DNER: variants seen among roughly 807,000 people sequenced by gnomAD.
The protein encoded by DNER is delta and Notch-like epidermal growth factor-related receptor.
DNER carries 33 observed loss-of-function variants against 78.2 expected under a neutral mutation model. That is an observed-to-expected ratio of 0.42 (90% confidence interval 0.32 to 0.56). The LOEUF is 0.56. Ranked by LOEUF, DNER falls within the 20% of genes least tolerant of loss-of-function variation. DNER has a pLI of 0.11. For synonymous variants in DNER, 417 were observed against 384.8 expected (o/e 1.08, Z -0.98); for missense variants, 918 against 975.3 (o/e 0.94, Z 0.78).
At chr2:229,419,990 C>T (rs1693731319) in intron 8 of DNER, among the ~76,000 whole-genome samples, 1 of 149,566 alleles carries the variant, frequency 6.7e-6, no homozygotes, top group Non-Finnish European at 1.5e-5. Context: ...AGGACAGCCT[C>T]TCACAACAAG....
chr2:229,669,620 G>A (rs944328575), intron 1 of DNER, among the ~76,000 whole-genome samples: 1 of 151,918 alleles, frequency 6.6e-6, no homozygotes, highest in Non-Finnish European at 1.5e-5. Context: ...CCTTGAAGGG[G>A]TCCTTCACAT....
intron 1 of DNER, among the ~76,000 whole-genome samples, chr2:229,679,362 T>C (rs1448237446): frequency 6.6e-6 from 1 of 152,220 alleles, no homozygotes; most frequent in Non-Finnish European, 1.5e-5. Flanking sequence ...ATAATATTAC[T>C]CTTAACATTT....
intron 8 of DNER, among the ~76,000 whole-genome samples, chr2:229,436,245 G>A (rs1694117714): frequency 6.6e-6 from 1 of 152,140 alleles, no homozygotes; most frequent in Admixed American, 6.6e-5. Context: ...ATAATAGCCT[G>A]TGGATCCATA....
chr2:229,511,656 G>A (rs1468162310), intron 6 of DNER, among the ~76,000 whole-genome samples: 3 of 152,106 alleles, frequency 2.0e-5, no homozygotes, highest in Non-Finnish European at 4.4e-5. Flanking sequence ...TGGCTTTTGT[G>A]GTTTATCCTG....
chr2:229,561,575 C>G (rs926848288), intron 4 of DNER, among the ~76,000 whole-genome samples: 2 of 152,104 alleles, frequency 1.3e-5, no homozygotes, highest in Admixed American at 1.3e-4. Context: ...TATTGAGAGT[C>G]CTTCCTAGAC....
At chr2:229,670,505 C>T (rs1467778310) in intron 1 of DNER, among the ~76,000 whole-genome samples, 1 of 152,196 alleles carries the variant, frequency 6.6e-6, no homozygotes, top group Non-Finnish European at 1.5e-5. Context: ...AGGAATGATA[C>T]AGATTTTCCT....
chr2:229,410,966 G>A (rs1693504637), intron 9 of DNER, among the ~76,000 whole-genome samples: 1 of 152,066 alleles, frequency 6.6e-6, no homozygotes, highest in African/African-American at 2.4e-5. Context: ...AATCTTTATA[G>A]ATCTCAACAT....
At chr2:229,674,126 G>C (rs1271088836) in intron 1 of DNER, among the ~76,000 whole-genome samples, 1 of 152,348 alleles carries the variant, frequency 6.6e-6, no homozygotes, top group East Asian at 1.9e-4. Context: ...TAAAGGAGCT[G>C]TTGGTAGCCC....
intron 12 of DNER, 59 bp downstream of exon 12, chr2:229,366,814 C>A: frequency 6.2e-7 from 1 of 1,604,456 alleles, no homozygotes; most frequent in Non-Finnish European, 8.5e-7. Flanking sequence ...ATAATATGAC[C>A]CTGTTCCCAA....
At chr2:229,425,125 G>T (rs1693844830) in intron 8 of DNER, among the ~76,000 whole-genome samples, 1 of 152,114 alleles carries the variant, frequency 6.6e-6, no homozygotes, top group African/African-American at 2.4e-5. Context: ...GCCCTTGTGG[G>T]TTTGACATAA....
rs190734579 is a variant in DNER at position 229,667,679 on chromosome 2, A to G, written c.276+46469T>C. ...TCCCCTATGTTTGTCACTACCCCCA[A>G]TGCATTTTCTGACAAGGGTAGTGTC... On this transcript the variant is annotated intron_variant, in intron 1 of 12. Coordinates refer to ENST00000341772, the MANE Select transcript of DNER (RefSeq NM_139072.4). 4.6e-5 allele frequency among the ~76,000 whole-genome samples: 7 copies of G among 152,262 alleles called. No individual in the cohort carries two copies. The East Asian group carries it at 9.7e-4, about 21-fold the overall frequency.
At chr2:229,445,429 T>C (rs1353134899) in intron 8 of DNER, among the ~76,000 whole-genome samples, 1 of 152,358 alleles carries the variant, frequency 6.6e-6, no homozygotes, top group East Asian at 1.9e-4. Context: ...AAAATGTTAC[T>C]GCGATAGTTC....
chr2:229,465,565 A>G (rs974003386), intron 7 of DNER, among the ~76,000 whole-genome samples: 1 of 152,180 alleles, frequency 6.6e-6, no homozygotes, highest in Non-Finnish European at 1.5e-5. Context: ...CTACACATGT[A>G]TCCTGGAACT....
chr2:229,505,177 AGTGTGTGTGTGTGTGT>A (rs144321798), intron 6 of DNER, among the ~76,000 whole-genome samples: 4 of 126,448 alleles, frequency 3.2e-5, no homozygotes, highest in East Asian at 2.4e-4. Flanking sequence ...GTGTTGCTGC[AGTGTGTGTGTGTGTGT>A]GTGTGTGTGT....
At chr2:229,577,551 C>T (rs1003753369) in intron 4 of DNER, among the ~76,000 whole-genome samples, 9 of 152,136 alleles carry the variant, frequency 5.9e-5, no homozygotes, top group African/African-American at 1.9e-4. Context: ...AGGAGAATCA[C>T]TTGAGCCCGG....
intron 4 of DNER, among the ~76,000 whole-genome samples, chr2:229,547,321 C>T (rs1165657745): frequency 6.6e-6 from 1 of 152,196 alleles, no homozygotes; most frequent in Admixed American, 6.5e-5. Context: ...ATAAGAAACA[C>T]CTAAGGCCAA....
At chr2:229,694,404 G>T (rs1699630896) in intron 1 of DNER, among the ~76,000 whole-genome samples, 1 of 152,178 alleles carries the variant, frequency 6.6e-6, no homozygotes, top group Non-Finnish European at 1.5e-5. Context: ...ACCCCAGAAT[G>T]GTAGACCCAC....
intron 6 of DNER, among the ~76,000 whole-genome samples, chr2:229,477,896 T>G (rs1045345137): frequency 6.6e-6 from 1 of 152,210 alleles, no homozygotes; most frequent in Non-Finnish European, 1.5e-5. Flanking sequence ...TTTGTTGGAT[T>G]GTAACATAAC....
chr2:229,415,401 T>C (rs1205425805), intron 9 of DNER, among the ~76,000 whole-genome samples: 1 of 152,204 alleles, frequency 6.6e-6, no homozygotes, highest in East Asian at 1.9e-4. Flanking sequence ...GGGAATTGAC[T>C]AAGCCACACC....
Sources: allele counts gnomAD v4.1 joint callset (sites outside exome capture counted in the v4.1 genomes callset), GRCh38; gene constraint gnomAD v4.1.1; transcripts MANE v1.5; gene names NCBI Gene and HGNC (gene_info 2026-07-23, HGNC 2026-07-21).